The following RGS3 variants were observed in gnomAD, a reference collection of about 807,000 sequenced individuals.
RGS3 encodes the protein regulator of G protein signaling 3, also known as regulator of G-protein signalling 3.
In RGS3, 80 loss-of-function variants were observed where a neutral mutation model predicts 132.6. That is an observed-to-expected ratio of 0.60 (90% CI 0.50 to 0.73). RGS3 has a LOEUF of 0.73. Ranked by LOEUF, RGS3 falls within the 30% of genes least tolerant of loss-of-function variation. The pLI, the probability that RGS3 is intolerant of heterozygous loss-of-function variation, is 0.00. For synonymous variants in RGS3, 598 were observed against 620.6 expected, an observed-to-expected ratio of 0.96 and a Z score of 0.54; for missense variants, 1,382 against 1,530.8, an observed-to-expected ratio of 0.90 and a Z score of 1.62.
At chr9:113,447,931 C>G (rs950676302) in intron 1 of RGS3, among the ~76,000 whole-genome samples, 1 of 149,430 alleles carries the variant, frequency 6.7e-6, no homozygotes, top group Admixed American at 6.7e-5. Context: ...CATCACAGAT[C>G]ACTGCAGCCT....
At chr9:113,529,408 G>T (rs1832369006) in intron 18 of RGS3, 144 bp downstream of exon 16, 8 of 714,534 alleles carry the variant, frequency 1.1e-5, no homozygotes, top group Admixed American at 2.3e-5. Context: ...CAGAGTAGCG[G>T]TTTTTTGCTA....
intron 19 of RGS3, among the ~76,000 whole-genome samples, chr9:113,541,038 A>G (rs530587337): frequency 6.6e-6 from 1 of 152,370 alleles, no homozygotes; most frequent in South Asian, 2.1e-4. Context: ...CTCGGAGCAC[A>G]TATGACAACT....
At chr9:113,465,591 A>G (rs181556903) in intron 3 of RGS3, among the ~76,000 whole-genome samples, 64 of 152,030 alleles carry the variant, frequency 4.2e-4, no homozygotes, top group African/African-American at 1.4e-3. Flanking sequence ...ATTTCCTTGC[A>G]TTGGTCCATG....
At position 113,595,406 on chromosome 9, in the gene RGS3, G is replaced by C. The variant is rs968782063; in HGVS notation, c.3245-193G>C. The C allele has an allele frequency of 6.7e-6, 4 of 598,460 alleles. No homozygotes were observed. In the African/African-American group the frequency reaches 7.4e-5, roughly 11 times the overall value. The allele number at this position is 598,460 out of a possible 1,614,324, so 37.1% of individuals were successfully genotyped here. On this transcript the variant is annotated intron_variant, in intron 23 of 24. Transcript: ENST00000350696. ...AGACACTGAGGCATAGAGAGGGGGA[G>C]ACCCCACTGAGACCCTGAAAGAGGC...
Position 113,591,930 on chromosome 9 carries a change from T to TCAA in RGS3, c.3080+534_3080+536dup, listed in dbSNP as rs1335790488. 6.4e-6 allele frequency: 1 copy of TCAA among 155,704 alleles called. No homozygotes were observed. The highest frequency in any genetic ancestry group is 6.2e-5 in the Admixed American group (1 of 16,186). The allele number at this position is 155,704 out of a possible 1,614,324, so 9.6% of individuals were successfully genotyped here. The stretch of plus-strand genomic sequence containing the variant: ...TACTATAGGGTGTTTGTTAGAGGTG[T>TCAA]CAATGAAAAAGATGTGTGTGTGGGT... On this transcript the variant is annotated intron_variant, in intron 21 of 24. Coordinates refer to ENST00000350696, the Ensembl canonical transcript of RGS3. The surrounding 1 kb of genome is among the most constrained non-coding windows in gnomAD (Gnocchi z 4.4).
At chr9:113,582,929 G>C (rs1190144605) in intron 19 of RGS3, 1 of 164,378 alleles carries the variant, frequency 6.1e-6, no homozygotes, top group Non-Finnish European at 1.3e-5. Context: ...GCACATTCTT[G>C]TTTGAATGAC....
At chr9:113,567,086 G>A (rs993052132) in intron 19 of RGS3, among the ~76,000 whole-genome samples, 2 of 152,264 alleles carry the variant, frequency 1.3e-5, no homozygotes, top group Non-Finnish European at 2.9e-5. Flanking sequence ...ACCACTCCTC[G>A]TGAGAAGTCT....
chr9:113,505,518 A>G (rs755506362), exon 11 of RGS3: 11 of 1,614,042 alleles, frequency 6.8e-6, no homozygotes, highest in Non-Finnish European at 8.5e-6. Flanking sequence ...CAGGCCGTGG[A>G]TTCCGGTAAG....
intron 1 of RGS3, among the ~76,000 whole-genome samples, chr9:113,452,911 TATATATTTATATATA>T (rs1829277762): frequency 3.7e-5 from 5 of 135,638 alleles, no homozygotes; most frequent in Admixed American, 3.2e-4. Context: ...AAATATATAT[TATATATTTATATATA>T]ATATATAAAT....
At position 113,541,505 on chromosome 9, in the gene RGS3, T is replaced by C. The variant is rs545337748; in HGVS notation, c.2037+4587T>C. The C allele has an allele frequency of 3.2e-6, 5 of 1,565,012 alleles. No individual in the cohort carries two copies. The African/African-American group carries it at 6.8e-5, about 21-fold the overall frequency. On this transcript the variant is annotated intron_variant, in intron 19 of 24. Transcript: ENST00000350696. ...TCCCCTACCACACAGTAACCTCACC[T>C]CAACTGGACCTGAAACAGAGGACCA...
At chr9:113,596,593 T>C (rs1418276072) in intron 24 of RGS3, among the ~76,000 whole-genome samples, 175 bp from the exon 23 acceptor site, 1 of 152,154 alleles carries the variant, frequency 6.6e-6, no homozygotes, top group East Asian at 1.9e-4. Flanking sequence ...CTACAGGAAA[T>C]GACTGAGCCA....
chr9:113,596,942 C>T (rs775109360), exon 25 of RGS3: 1 of 1,605,882 alleles, frequency 6.2e-7, no homozygotes. Flanking sequence ...GAAGATGAGT[C>T]CCCCGCTTTA....
chr9:113,444,886 C>T (rs1030697812), exon 1 of RGS3: 1 of 152,206 alleles, frequency 6.6e-6, no homozygotes, highest in East Asian at 1.9e-4. Context: ...CTCGTGAACC[C>T]CTTGCTTCAG....
At chr9:113,509,480 G>A (rs1218361287) in intron 14 of RGS3, among the ~76,000 whole-genome samples, 3 of 152,144 alleles carry the variant, frequency 2.0e-5, no homozygotes, top group Admixed American at 1.3e-4. Flanking sequence ...CTGCTGGATG[G>A]ATTCTTCTTC....
At chr9:113,582,565 G>A (rs971995947) in intron 19 of RGS3, 1 of 152,176 alleles carries the variant, frequency 6.6e-6, no homozygotes, top group Non-Finnish European at 1.5e-5. Context: ...GCCTCCCTGT[G>A]TGGTTGTGGC....
intron 19 of RGS3, among the ~76,000 whole-genome samples, chr9:113,560,823 G>T (rs1227830084): frequency 1.3e-5 from 2 of 152,268 alleles, no homozygotes; most frequent in Middle Eastern, 3.4e-3. Flanking sequence ...AGCAGCCTGG[G>T]GTGGTCACTT....
In RGS3 at chr9:113,591,315, T is replaced by G. The variant is rs1469434616; in HGVS notation, c.3016-18T>G. On this transcript the variant is annotated intron_variant, in intron 20 of 24. Transcript: ENST00000350696. The surrounding 1 kb of genome is among the most constrained non-coding windows in gnomAD (Gnocchi z 4.4). Reference sequence around the variant, plus strand: ...TCCTGGGTGCCCAGACTGCATCGTGTCTGTCTTCTCTCCGCAGATGAGCGG... The same window carrying G: ...TCCTGGGTGCCCAGACTGCATCGTGGCTGTCTTCTCTCCGCAGATGAGCGG... 6 of 1,612,164 alleles carry G rather than the reference T, an allele frequency of 3.7e-6. No individual in the cohort carries two copies. The African/African-American group carries it at 6.7e-5, about 18-fold the overall frequency.
At chr9:113,596,860 C>T (rs56217951) in exon 25 of RGS3, 38 of 1,613,852 alleles carry the variant, frequency 2.4e-5, no homozygotes, top group South Asian at 1.3e-4. Flanking sequence ...AGCGCATCTT[C>T]GGGCTCATGG....
chr9:113,588,633 A>T (rs1330979857), intron 20 of RGS3, among the ~76,000 whole-genome samples: 1 of 152,256 alleles, frequency 6.6e-6, no homozygotes, highest in Admixed American at 6.5e-5. Context: ...CCAAGATTAA[A>T]TGAGATAAAG....
Sources: allele counts gnomAD v4.1 joint callset (sites outside exome capture counted in the v4.1 genomes callset), GRCh38; gene constraint gnomAD v4.1.1; non-coding constraint Gnocchi (gnomAD v3.1); transcripts MANE v1.5; gene names NCBI Gene and HGNC (gene_info 2026-07-23, HGNC 2026-07-21).